DOP1B: variants seen among roughly 807,000 people sequenced by gnomAD.
The protein encoded by DOP1B is DOP1 leucine zipper like protein B.
A neutral mutation model predicts 233.5 loss-of-function variants in DOP1B; 174 were observed. The ratio of observed to expected loss-of-function variants is 0.75; its 90% CI spans 0.66 to 0.85. The LOEUF (loss-of-function observed/expected upper bound fraction) is 0.85. DOP1B is among the 40% of genes least tolerant of loss of function. DOP1B has a pLI of 0.00. For missense variants in DOP1B, 2,652 were observed against 2,846.6 expected (o/e 0.93, Z 1.56); for synonymous variants, 1,190 against 1,185.6 (o/e 1.00, Z -0.08).
chr21:36,231,977 C>G (rs912258333), intron 14 of DOP1B, among the ~76,000 whole-genome samples: 1 of 151,986 alleles, frequency 6.6e-6, no homozygotes, highest in African/African-American at 2.4e-5. Flanking sequence ...TCCCAAGTAT[C>G]TGGGGTTACA....
chr21:36,193,564 C>T (rs1002166612), intron 2 of DOP1B, among the ~76,000 whole-genome samples: 1 of 152,114 alleles, frequency 6.6e-6, no homozygotes, highest in Admixed American at 6.5e-5. Flanking sequence ...GAGTATCCTT[C>T]CTGCTTCTGC....
chr21:36,272,916 G>A (rs1164000453), intron 27 of DOP1B, among the ~76,000 whole-genome samples: 10 of 147,946 alleles, frequency 6.8e-5, no homozygotes, highest in African/African-American at 1.8e-4. Context: ...CCTGGGAGGC[G>A]GAGGTTACTG....
chr21:36,268,893 C>G (rs959717570), intron 26 of DOP1B, among the ~76,000 whole-genome samples: 2 of 152,182 alleles, frequency 1.3e-5, no homozygotes, highest in East Asian at 1.9e-4. Context: ...TGGTCTCAAT[C>G]TCTTGACCTT....
chr21:36,206,723 A>T (rs2066429484), intron 4 of DOP1B, among the ~76,000 whole-genome samples: 2 of 152,142 alleles, frequency 1.3e-5, no homozygotes, highest in South Asian at 4.1e-4. Flanking sequence ...GGACTGTGAC[A>T]CCACGATGTG....
intron 23 of DOP1B, among the ~76,000 whole-genome samples, chr21:36,255,194 G>A (rs1332085906): frequency 6.6e-6 from 1 of 151,810 alleles, no homozygotes; most frequent in African/African-American, 2.4e-5. Context: ...GTACAGTGGT[G>A]CAATCTCAGC....
At chr21:36,279,033 C>T (rs2067385562) in intron 30 of DOP1B, among the ~76,000 whole-genome samples, 1 of 152,040 alleles carries the variant, frequency 6.6e-6, no homozygotes, top group South Asian at 2.1e-4. Flanking sequence ...TCCACAAGTT[C>T]TTACTGAGAT....
chr21:36,258,789 G>C (rs61015299), intron 23 of DOP1B, among the ~76,000 whole-genome samples: 19,218 of 152,150 alleles, frequency 0.13, 1,863 homozygotes, highest in East Asian at 0.32. Context: ...AAAGAAGAGA[G>C]AAGAGAAGAG....
chr21:36,270,679 C>T (rs977920076), intron 27 of DOP1B, among the ~76,000 whole-genome samples: 9 of 151,174 alleles, frequency 6.0e-5, no homozygotes, highest in East Asian at 1.9e-4. Context: ...TTTGGGAGGC[C>T]GAGGTGGGTG....
At position 36,254,947 on chromosome 21, in the gene DOP1B, C is replaced by CTT. The variant is rs35630827; in HGVS notation, c.5259+1057_5259+1058dup. 6.3e-3 allele frequency among the ~76,000 whole-genome samples: 802 copies of CTT among 127,622 alleles called. 11 individuals carry two copies. The highest frequency in any genetic ancestry group is 0.014 in the African/African-American group (483 of 33,962). 83.7% of individuals were successfully genotyped at this position (127,622 alleles called of 152,430 possible). A position where few individuals can be genotyped will look rare whatever the true frequency, so the allele number is the denominator to read the frequency against. On this transcript the variant is annotated intron_variant, in intron 23 of 36. Transcript: ENST00000691173. Reference sequence around the variant, plus strand: ...CAAGGGCAAATTAAAATTTGTGTAACTTTTTTTTTTTTTTTTTTTTGAGAC... The same window carrying CTT: ...CAAGGGCAAATTAAAATTTGTGTAACTTTTTTTTTTTTTTTTTTTTTTGAGAC...
At chr21:36,239,649 T>G (rs1569042982) in intron 17 of DOP1B, 116 bp from the exon 18 acceptor site, 1 of 1,191,032 alleles carries the variant, frequency 8.4e-7, no homozygotes. Context: ...AAGTCCAGCT[T>G]GGGTGGAGGT....
chr21:36,177,189 C>T (rs2066041678), intron 2 of DOP1B, among the ~76,000 whole-genome samples: 1 of 152,154 alleles, frequency 6.6e-6, no homozygotes, highest in Admixed American at 6.6e-5. Flanking sequence ...CATGCTGGGG[C>T]TCTGATGATG....
At chr21:36,244,215 T>C (rs1335879066) in intron 18 of DOP1B, among the ~76,000 whole-genome samples, 1 of 150,672 alleles carries the variant, frequency 6.6e-6, no homozygotes, top group Non-Finnish European at 1.5e-5. Flanking sequence ...GTAGATGGAG[T>C]TTCTCCATGT....
chr21:36,168,572 G>T (rs1037176833), intron 2 of DOP1B, among the ~76,000 whole-genome samples: 2 of 151,508 alleles, frequency 1.3e-5, no homozygotes, highest in Admixed American at 1.3e-4. Flanking sequence ...CTGTTGCCCA[G>T]GCTGGAGTGC....
chr21:36,178,652 A>G (rs904222232), intron 2 of DOP1B, among the ~76,000 whole-genome samples: 3 of 152,202 alleles, frequency 2.0e-5, no homozygotes, highest in African/African-American at 7.2e-5. Context: ...TGGGCCAACT[A>G]ATACAGAAGG....
At position 36,175,708 on chromosome 21, in the gene DOP1B, A is replaced by C. The variant is rs1601383083; in HGVS notation, c.138+10837A>C. ...CTCAGGAGGCTGAGGCAGGAGAATC[A>C]CTTGAACCCAGAAGGTGGAGGATGC... On this transcript the variant is annotated intron_variant, in intron 2 of 36. Coordinates refer to ENST00000691173, the MANE Select transcript of DOP1B (RefSeq NM_001320714.2). 2.6e-5 allele frequency: 4 copies of C among 152,352 alleles called. No homozygotes were observed. In the South Asian group the frequency reaches 8.3e-4, roughly 32 times the overall value. The allele number at this position is 152,352 out of a possible 1,614,324, so 9.4% of individuals were successfully genotyped here.
In DOP1B at chr21:36,267,493, G is replaced by C. The variant is rs2067242725; in HGVS notation, c.5488-2520G>C. Among the ~76,000 whole-genome samples, 5 of 152,258 alleles carry C rather than the reference G, an allele frequency of 3.3e-5. No individual in the cohort carries two copies. In the South Asian group the frequency reaches 1.0e-3, roughly 32 times the overall value. ...TTGAAGTGTGGCTAGTCTGCAGCCTGGGCAACATAGGGAGACCCCATCTCT... is the reference window on the plus strand; with the variant it reads ...TTGAAGTGTGGCTAGTCTGCAGCCTCGGCAACATAGGGAGACCCCATCTCT... On this transcript the variant is annotated intron_variant, in intron 26 of 36. Transcript: ENST00000691173.
At chr21:36,241,526 T>TTTTTA (rs2066891290) in intron 18 of DOP1B, among the ~76,000 whole-genome samples, 1 of 116,734 alleles carries the variant, frequency 8.6e-6, no homozygotes, top group African/African-American at 3.3e-5. Flanking sequence ...TTTTTTTTTT[T>TTTTTA]GAGACAGAGT....
chr21:36,172,983 C>T lies in DOP1B; in HGVS notation c.138+8112C>T, dbSNP rs376818023. Among the ~76,000 whole-genome samples the T allele has an allele frequency of 2.9e-3, 434 of 152,002 alleles. 3 individuals carry two copies. The highest frequency in any genetic ancestry group is 1.0e-2 in the African/African-American group (414 of 41,456). On this transcript the variant is annotated intron_variant, in intron 2 of 36. Transcript: ENST00000691173. ...AAAATAAAAAAAATTAGCCAGGCAT[C>T]GTGGCGAATGCCTGTAGTCCCAGCT...
intron 2 of DOP1B, among the ~76,000 whole-genome samples, chr21:36,171,057 T>C (rs567813643): frequency 4.3e-4 from 66 of 152,326 alleles, no homozygotes; most frequent in Non-Finnish European, 7.5e-4. Context: ...CATTATTGTA[T>C]AATACTTAAA....
Sources: gnomAD v4.1 joint callset for allele counts (sites outside exome capture counted in the v4.1 genomes callset) on GRCh38, gnomAD v4.1.1 for gene constraint, MANE v1.5 for transcripts, NCBI Gene and HGNC (gene_info 2026-07-23, HGNC 2026-07-21) for gene names.